TENM4: variants seen among roughly 807,000 people sequenced by gnomAD.
TENM4 encodes the protein teneurin-4.
A neutral mutation model predicts 243.3 loss-of-function variants in TENM4; 82 were observed. That is an observed-to-expected ratio of 0.34 (90% confidence interval 0.28 to 0.40). The LOEUF (loss-of-function observed/expected upper bound fraction) is 0.40, where lower values mean the gene tolerates loss of function less well. Among genes scored for constraint, TENM4 ranks in the 10% least tolerant of loss-of-function variants. TENM4 has a pLI of 1.00. For synonymous variants in TENM4, 1,412 were observed against 1,456.3 expected (o/e 0.97, Z 0.69); for missense variants, 3,138 against 3,673.3 (o/e 0.85, Z 3.77).
At chr11:79,269,837 G>T (rs996463060) in intron 2 of TENM4, among the ~76,000 whole-genome samples, 3 of 152,202 alleles carry the variant, frequency 2.0e-5, no homozygotes, top group African/African-American at 7.2e-5. Flanking sequence ...TAATGAAAAG[G>T]CAACTGTGGT....
At chr11:78,666,815 G>A (rs1858169018) in intron 32 of TENM4, among the ~76,000 whole-genome samples, 2 of 152,180 alleles carry the variant, frequency 1.3e-5, no homozygotes, top group Admixed American at 1.3e-4. Context: ...AAGTTTAAAG[G>A]AGAGCATATC....
intron 6 of TENM4, among the ~76,000 whole-genome samples, chr11:79,028,498 G>C (rs1266103208): frequency 6.6e-6 from 1 of 152,212 alleles, no homozygotes; most frequent in Non-Finnish European, 1.5e-5. Flanking sequence ...TCTGGAGCTG[G>C]GCTGGCCTTT....
At chr11:78,842,552 G>T (rs1378635016) in intron 12 of TENM4, among the ~76,000 whole-genome samples, 1 of 152,226 alleles carries the variant, frequency 6.6e-6, no homozygotes, top group African/African-American at 2.4e-5. Flanking sequence ...TTCCAAGCTG[G>T]CTAGCCAACA....
At chr11:78,821,412 A>C (rs1002418659) in intron 12 of TENM4, among the ~76,000 whole-genome samples, 25 of 152,260 alleles carry the variant, frequency 1.6e-4, no homozygotes, top group African/African-American at 6.0e-4. Flanking sequence ...GAGGTCAGAG[A>C]AGTGGGGATG....
intron 6 of TENM4, among the ~76,000 whole-genome samples, chr11:78,949,807 G>A (rs1207691290): frequency 6.6e-6 from 1 of 152,176 alleles, no homozygotes; most frequent in East Asian, 1.9e-4. Flanking sequence ...TGGGCCTGCT[G>A]CATTTGGAGA....
At chr11:78,934,997 C>CATT (rs1191791018) in intron 6 of TENM4, among the ~76,000 whole-genome samples, 1 of 81,114 alleles carries the variant, frequency 1.2e-5, no homozygotes, top group African/African-American at 5.3e-5. Context: ...AAGTATGCAA[C>CATT]TTTTTTTTTT....
chr11:79,223,995 A>C (rs1330554783), intron 2 of TENM4, among the ~76,000 whole-genome samples: 1 of 152,174 alleles, frequency 6.6e-6, no homozygotes, highest in Non-Finnish European at 1.5e-5. Context: ...TGTTAGATTT[A>C]ACTGCCAATA....
chr11:79,186,496 T>C (rs903853970), intron 3 of TENM4, among the ~76,000 whole-genome samples: 18 of 152,174 alleles, frequency 1.2e-4, no homozygotes, highest in African/African-American at 3.9e-4. Context: ...CTGAGAAAGG[T>C]AAATGACATG....
At position 79,180,486 on chromosome 11, in the gene TENM4, A is replaced by G; in HGVS notation, c.-162-31680T>C. Among the ~76,000 whole-genome samples, 2 of 151,770 alleles carry G rather than the reference A, an allele frequency of 1.3e-5. 1 individual carries two copies. Among genetic ancestry groups the G allele is most frequent in the Non-Finnish European group, 2.9e-5 (2 of 67,812 alleles). ...TGAACTAGCAGTGTTGCCTTGGTCA[A>G]GTCCTTTAATCTCTCTAAGCATCAG... On this transcript the variant is annotated intron_variant, in intron 3 of 33. Coordinates refer to ENST00000278550, the MANE Select transcript of TENM4 (RefSeq NM_001098816.3).
intron 1 of TENM4, among the ~76,000 whole-genome samples, chr11:79,340,221 G>A (rs1157358032): frequency 6.6e-6 from 1 of 152,160 alleles, no homozygotes; most frequent in Non-Finnish European, 1.5e-5. Flanking sequence ...ATATTGAGAA[G>A]GAAAATGGCT....
intron 12 of TENM4, among the ~76,000 whole-genome samples, chr11:78,838,159 C>T (rs1858161113): frequency 6.6e-6 from 1 of 152,134 alleles, no homozygotes; most frequent in African/African-American, 2.4e-5. Context: ...TGTACTGCTT[C>T]AATTATTAGT....
At chr11:79,307,406 G>T (rs7936476) in intron 1 of TENM4, among the ~76,000 whole-genome samples, 13,169 of 152,076 alleles carry the variant, frequency 0.087, 801 homozygotes, top group Non-Finnish European at 0.14. Flanking sequence ...TCCTGACACC[G>T]CTCTCTCCTG....
rs77811422 is a variant in TENM4 at position 79,071,178 on chromosome 11, C to G, written c.-65-1169G>C. Among the ~76,000 whole-genome samples, 23 of 152,290 alleles carry G rather than the reference C, an allele frequency of 1.5e-4. No homozygotes were observed. The East Asian group carries it at 4.4e-3, about 29-fold the overall frequency. On this transcript the variant is annotated intron_variant, in intron 4 of 33. Coordinates refer to ENST00000278550, the MANE Select transcript of TENM4 (RefSeq NM_001098816.3). ...GGTAGCAAACACAACCATACAGGGCCAGGAGCTCAATACAGAAGGAAAGCA... is the reference window on the plus strand; with the variant it reads ...GGTAGCAAACACAACCATACAGGGCGAGGAGCTCAATACAGAAGGAAAGCA...
intron 1 of TENM4, among the ~76,000 whole-genome samples, chr11:79,391,283 C>T (rs1233170805): frequency 7.9e-5 from 12 of 152,040 alleles, no homozygotes; most frequent in Admixed American, 7.9e-4. Context: ...CAACAGTAGG[C>T]CAGTTCCTGG....
intron 12 of TENM4, among the ~76,000 whole-genome samples, chr11:78,822,837 G>A (rs1306396331): frequency 6.6e-6 from 1 of 152,198 alleles, no homozygotes; most frequent in Non-Finnish European, 1.5e-5. Context: ...AAATTAAGAA[G>A]AAGTCATCAT....
At chr11:79,070,757 A>T (rs1035941037) in intron 4 of TENM4, among the ~76,000 whole-genome samples, 1 of 152,182 alleles carries the variant, frequency 6.6e-6, no homozygotes, top group Non-Finnish European at 1.5e-5. Flanking sequence ...TGAGACTCGG[A>T]ACCCCCTTCA....
intron 2 of TENM4, among the ~76,000 whole-genome samples, chr11:79,223,757 A>T (rs961733978): frequency 1.3e-5 from 2 of 151,910 alleles, no homozygotes; most frequent in Non-Finnish European, 2.9e-5. Flanking sequence ...GTGCTTATCC[A>T]CTAGTTTCCC....
At chr11:79,416,074 T>G (rs1469523929) in intron 1 of TENM4, among the ~76,000 whole-genome samples, 2 of 152,250 alleles carry the variant, frequency 1.3e-5, no homozygotes, top group Non-Finnish European at 2.9e-5. Flanking sequence ...AAGAATTTAT[T>G]CCTTTTTCAC....
In TENM4 at chr11:79,440,639, G is replaced by C. The variant is rs1394248499; in HGVS notation, c.-451C>G. ...TCCGCGAGCCGTAGCGGGGCGCCCA[G>C]GAAGGAGCAGGTCCGGGCTCTGCGC... On this transcript the variant is annotated 5_prime_UTR_variant, in exon 1 of 34. Transcript: ENST00000278550. This position sits in a 1 kb window ranked among gnomAD's most constrained non-coding sequence, Gnocchi z 4.7. 6.6e-6 allele frequency: 1 copy of C among 152,096 alleles called. No homozygotes were observed. The highest frequency in any genetic ancestry group is 1.5e-5 in the Non-Finnish European group (1 of 68,024). The allele number at this position is 152,096 out of a possible 1,614,324, so 9.4% of individuals were successfully genotyped here. A position where few individuals can be genotyped will look rare whatever the true frequency, so the allele number is the denominator to read the frequency against.
Sources: allele counts gnomAD v4.1 joint callset (sites outside exome capture counted in the v4.1 genomes callset), GRCh38; gene constraint gnomAD v4.1.1; non-coding constraint Gnocchi (gnomAD v3.1); transcripts MANE v1.5; gene names NCBI Gene and HGNC (gene_info 2026-07-23, HGNC 2026-07-21).